Variants in PTRH2 observed in about 807,000 individuals in gnomAD.
PTRH2 encodes peptidyl-tRNA hydrolase 2.
PTRH2 carries 10 observed loss-of-function variants against 12.3 expected under a neutral mutation model. The ratio of observed to expected loss-of-function variants is 0.81; its 90% CI spans 0.50 to 1.38. The LOEUF (loss-of-function observed/expected upper bound fraction) is 1.38. Among genes scored for constraint, PTRH2 ranks in the 40% most tolerant of loss-of-function variants. The pLI is 0.00. For missense variants in PTRH2, 176 were observed against 214.1 expected (o/e 0.82, Z 1.11); for synonymous variants, 73 against 77.4 (o/e 0.94, Z 0.30).
chr17:59,697,466 T>G lies in PTRH2; in HGVS notation c.513A>C (p.Lys171Asn), dbSNP rs2033458991. The G allele has an allele frequency of 6.2e-7, 1 of 1,612,178 alleles. No homozygotes were observed. The highest frequency in any genetic ancestry group is 1.7e-5 in the Admixed American group (1 of 59,946). Residue 171 changes from lysine to asparagine, a missense_variant, in exon 2 of 2, where the codon AAA becomes AAC. Physicochemically the swap from Lys to Asn is moderately conservative, Grantham distance 94. Coordinates refer to ENST00000393038, the MANE Select transcript of PTRH2 (RefSeq NM_016077.5). ...AGTAAAGTTTTAGGTGACCAGTGAC[T>G]TTGTCAATTAGGTCTGCTGGTCCTG... is the stretch of plus-strand genomic sequence containing the variant. ...IGPGPADLID[K>N]VTGHLKLY is the part of the protein sequence containing the mutation.
intron 1 of PTRH2, among the ~76,000 whole-genome samples, chr17:59,702,522 C>T (rs1232361342): frequency 3.3e-5 from 5 of 152,160 alleles, no homozygotes; most frequent in African/African-American, 9.7e-5. Flanking sequence ...TCCTGCTGTG[C>T]GGCCCAGTTC....
At chr17:59,707,324 A>G (rs1226215812) in intron 1 of PTRH2, 47 bp downstream of exon 1, 3 of 152,670 alleles carry the variant, frequency 2.0e-5, no homozygotes, top group Non-Finnish European at 4.4e-5. Context: ...GAGAAAATGA[A>G]TAATGATATT....
intron 1 of PTRH2, among the ~76,000 whole-genome samples, chr17:59,701,641 T>C (rs1008124306): frequency 1.6e-4 from 24 of 152,216 alleles, no homozygotes; most frequent in African/African-American, 5.3e-4. Flanking sequence ...GCAATGGTTT[T>C]GAAATGGTCC....
At chr17:59,706,102 AAAC>A (rs1252345255) in intron 1 of PTRH2, among the ~76,000 whole-genome samples, 1 of 152,204 alleles carries the variant, frequency 6.6e-6, no homozygotes, top group Non-Finnish European at 1.5e-5. Flanking sequence ...AACTCCTCTA[AAAC>A]AACATGTCTG....
At chr17:59,705,633 T>C (rs2033628630) in intron 1 of PTRH2, among the ~76,000 whole-genome samples, 1 of 152,190 alleles carries the variant, frequency 6.6e-6, no homozygotes, top group South Asian at 2.1e-4. Context: ...CTTGCTATGT[T>C]GCCCAGGCTG....
intron 1 of PTRH2, among the ~76,000 whole-genome samples, chr17:59,702,805 C>T (rs1217208655): frequency 6.6e-6 from 1 of 152,174 alleles, no homozygotes; most frequent in African/African-American, 2.4e-5. Context: ...AACACATATT[C>T]AGTAGAAACT....
chr17:59,703,631 A>T (rs1216603880), intron 1 of PTRH2, among the ~76,000 whole-genome samples: 1 of 151,912 alleles, frequency 6.6e-6, no homozygotes, highest in Non-Finnish European at 1.5e-5. Context: ...CAGCCTCCCA[A>T]ATAGCTGGGA....
intron 1 of PTRH2, 64 bp downstream of exon 1, chr17:59,707,307 T>G (rs1256709943): frequency 6.6e-6 from 1 of 152,624 alleles, no homozygotes; most frequent in Non-Finnish European, 1.5e-5. Flanking sequence ...GAAACGTTCC[T>G]ACTGGCGAGA....
At chr17:59,700,738 A>T (rs1214408779) in intron 1 of PTRH2, 1 of 152,168 alleles carries the variant, frequency 6.6e-6, no homozygotes, top group Non-Finnish European at 1.5e-5. Context: ...AAGCCAGAAG[A>T]AAGGCAGGTA....
chr17:59,705,399 C>T (rs1448245215), intron 1 of PTRH2, among the ~76,000 whole-genome samples: 1 of 152,006 alleles, frequency 6.6e-6, no homozygotes, highest in Non-Finnish European at 1.5e-5. Context: ...ATATGAGGAT[C>T]AAACAGAGAA....
intron 1 of PTRH2, chr17:59,700,050 C>T (rs2033528312): frequency 6.6e-6 from 1 of 152,266 alleles, no homozygotes; most frequent in African/African-American, 2.4e-5. Flanking sequence ...TACTGTACCA[C>T]ATTATCACTA....
chr17:59,699,268 C>A, intron 1 of PTRH2: 1 of 186,304 alleles, frequency 5.4e-6, no homozygotes, highest in Admixed American at 5.6e-5. Context: ...TTTCTAGGTG[C>A]CGTGGGTGTA....
At chr17:59,701,827 T>C (rs1344759472) in intron 1 of PTRH2, among the ~76,000 whole-genome samples, 1 of 150,980 alleles carries the variant, frequency 6.6e-6, no homozygotes, top group African/African-American at 2.4e-5. Context: ...TGCCTCAGCC[T>C]CCCTACAGGC....
chr17:59,698,824 T>C (rs2033500953), intron 1 of PTRH2: 2 of 709,172 alleles, frequency 2.8e-6, no homozygotes, highest in Non-Finnish European at 5.2e-6. Context: ...TCTCCTGTAA[T>C]TTATTGAATA....
In PTRH2 at chr17:59,697,981, TAAAG is replaced by T. The variant is rs2033477986; in HGVS notation, c.1-7_1-4del. On this transcript the variant is annotated splice_region_variant and splice_polypyrimidine_tract_variant and intron_variant, in intron 1 of 1. Transcript: ENST00000393038. ...ATAACCAAGGATTTGGAGGGCATCT[TAAAG>T]GAAAGGAAAACAGTTATCACTATCC... is the stretch of plus-strand genomic sequence containing the variant. 1 of 1,608,946 alleles carries T rather than the reference TAAAG, an allele frequency of 6.2e-7. No homozygotes were observed. Among genetic ancestry groups the T allele is most frequent in the Admixed American group, 1.7e-5 (1 of 59,934 alleles).
At chr17:59,706,617 G>C (rs1279262921) in intron 1 of PTRH2, among the ~76,000 whole-genome samples, 2 of 151,816 alleles carry the variant, frequency 1.3e-5, no homozygotes, top group African/African-American at 2.4e-5. Flanking sequence ...ATGTCAGTAA[G>C]GATTAATACC....
chr17:59,700,220 A>G (rs1361751966), intron 1 of PTRH2: 1 of 152,220 alleles, frequency 6.6e-6, no homozygotes, highest in South Asian at 2.1e-4. Context: ...GTCATCCTTT[A>G]TTATTTTAGA....
intron 1 of PTRH2, chr17:59,700,490 A>G (rs982465759): frequency 6.6e-6 from 1 of 152,190 alleles, no homozygotes; most frequent in Non-Finnish European, 1.5e-5. Flanking sequence ...ACAGCCCTGG[A>G]AGTACTTATA....
At chr17:59,700,089 C>G (rs1007939570) in intron 1 of PTRH2, 1 of 152,194 alleles carries the variant, frequency 6.6e-6, no homozygotes, top group African/African-American at 2.4e-5. Context: ...ATGCAAAACT[C>G]GAAGTACAGT....
Sources: gnomAD v4.1 joint callset for allele counts (sites outside exome capture counted in the v4.1 genomes callset) on GRCh38, gnomAD v4.1.1 for gene constraint, MANE v1.5 for transcripts, NCBI Gene and HGNC (gene_info 2026-07-23, HGNC 2026-07-21) for gene names.